The following PSMA1 variants were observed in gnomAD, a reference collection of about 807,000 sequenced individuals.
PSMA1 encodes the protein proteasome subunit alpha type-1.
Under a neutral mutation model 38.4 loss-of-function variants are expected in PSMA1, and 3 were observed. The ratio of observed to expected loss-of-function variants is 0.08; its 90% CI spans 0.04 to 0.20. PSMA1 has a LOEUF of 0.20. PSMA1 is among the 10% of genes least tolerant of loss of function. The pLI, the probability that PSMA1 is intolerant of heterozygous loss-of-function variation, is 1.00. For missense variants in PSMA1, 227 were observed against 325.3 expected (o/e 0.70, Z 2.32); for synonymous variants, 101 against 107.1 (o/e 0.94, Z 0.35).
chr11:14,559,844 G>T (rs535204980), intron 2 of PSMA1, among the ~76,000 whole-genome samples: 188 of 152,314 alleles, frequency 1.2e-3, no homozygotes, highest in South Asian at 6.2e-3. Context: ...GATATTTGCA[G>T]GCAGGGAGTT....
intron 1 of PSMA1, among the ~76,000 whole-genome samples, chr11:14,626,933 A>C (rs1852919194): frequency 6.6e-6 from 1 of 152,176 alleles, no homozygotes; most frequent in African/African-American, 2.4e-5. Flanking sequence ...ATTTGATCAC[A>C]GTTCTGGAGG....
intron 1 of PSMA1, among the ~76,000 whole-genome samples, chr11:14,634,771 T>G (rs913716653): frequency 2.0e-5 from 3 of 152,240 alleles, no homozygotes; most frequent in Non-Finnish European, 4.4e-5. Context: ...GAAGCTAATA[T>G]ATCCCTTCAT....
At chr11:14,608,090 G>T (rs1167857274) in intron 2 of PSMA1, among the ~76,000 whole-genome samples, 1 of 152,180 alleles carries the variant, frequency 6.6e-6, no homozygotes, top group South Asian at 2.1e-4. Flanking sequence ...AGTGGCTCAT[G>T]CCTGTAATCC....
intron 2 of PSMA1, among the ~76,000 whole-genome samples, chr11:14,567,313 A>G (rs142565425): frequency 5.3e-5 from 8 of 152,304 alleles, no homozygotes; most frequent in Admixed American, 1.3e-4. Flanking sequence ...TTTTTGGTCT[A>G]TGCTCCCAGG....
chr11:14,580,872 G>A (rs1852273729), intron 2 of PSMA1, among the ~76,000 whole-genome samples: 1 of 152,152 alleles, frequency 6.6e-6, no homozygotes, highest in South Asian at 2.1e-4. Context: ...GGAGCCCTCA[G>A]TTCATTCTCC....
chr11:14,599,150 T>C, intron 2 of PSMA1, among the ~76,000 whole-genome samples: 1 of 152,220 alleles, frequency 6.6e-6, no homozygotes, highest in Non-Finnish European at 1.5e-5. Flanking sequence ...ACCCAACCTT[T>C]CTCTCTGGCT....
chr11:14,551,463 A>G (rs1220672525), intron 2 of PSMA1, among the ~76,000 whole-genome samples: 1 of 152,166 alleles, frequency 6.6e-6, no homozygotes, highest in Non-Finnish European at 1.5e-5. Flanking sequence ...GAGGCATAGA[A>G]AAAAGACGGC....
intron 1 of PSMA1, among the ~76,000 whole-genome samples, chr11:14,635,620 C>T (rs1041647227): frequency 6.6e-6 from 1 of 151,988 alleles, no homozygotes; most frequent in Non-Finnish European, 1.5e-5. Context: ...ATTTCTGGAG[C>T]TGGTAAAAAT....
intron 1 of PSMA1, among the ~76,000 whole-genome samples, chr11:14,622,879 C>T (rs1330632292): frequency 2.0e-5 from 3 of 152,130 alleles, no homozygotes; most frequent in Admixed American, 6.5e-5. Context: ...AGAATAACAA[C>T]ATAGGGCCCT....
intron 2 of PSMA1, among the ~76,000 whole-genome samples, chr11:14,577,929 C>T (rs1367249692): frequency 1.3e-5 from 2 of 152,166 alleles, no homozygotes; most frequent in Non-Finnish European, 2.9e-5. Flanking sequence ...TTGAAAGAGC[C>T]TCTAACATGA....
chr11:14,514,334 C>A, intron 5 of PSMA1, 69 bp downstream of exon 5: 1 of 1,485,884 alleles, frequency 6.7e-7, no homozygotes, highest in Non-Finnish European at 9.0e-7. Flanking sequence ...TATTATATTC[C>A]TAATAATTAA....
intron 1 of PSMA1, among the ~76,000 whole-genome samples, chr11:14,634,489 G>A (rs533133244): frequency 5.3e-5 from 8 of 151,588 alleles, no homozygotes; most frequent in South Asian, 4.2e-4. Context: ...TTAATTCTTC[G>A]TAAAATTTAG....
intron 1 of PSMA1, chr11:14,519,849 C>G (rs1851497393): frequency 5.9e-6 from 1 of 170,388 alleles, no homozygotes; most frequent in Admixed American, 6.1e-5. Flanking sequence ...GAAGTCTAGG[C>G]GAGAGATAAA....
At chr11:14,632,118 C>A (rs1203316223) in intron 1 of PSMA1, among the ~76,000 whole-genome samples, 1 of 142,314 alleles carries the variant, frequency 7.0e-6, no homozygotes, top group East Asian at 2.0e-4. Context: ...GACTCTTTAT[C>A]CAATTTGCCA....
intron 1 of PSMA1, among the ~76,000 whole-genome samples, chr11:14,625,572 G>C (rs958766344): frequency 6.6e-6 from 1 of 152,192 alleles, no homozygotes; most frequent in African/African-American, 2.4e-5. Flanking sequence ...GCTTCTCCTA[G>C]TCAGTAACAG....
intron 9 of PSMA1, 136 bp from the exon 10 acceptor site, chr11:14,505,384 CT>C: frequency 1.3e-6 from 1 of 745,692 alleles, no homozygotes; most frequent in African/African-American, 1.7e-5. Context: ...TTTTAGTTCA[CT>C]GTCCTGTTAA....
At chr11:14,591,082 C>T (rs981838370) in intron 2 of PSMA1, among the ~76,000 whole-genome samples, 1 of 152,210 alleles carries the variant, frequency 6.6e-6, no homozygotes, top group Non-Finnish European at 1.5e-5. Context: ...GAGCGGGAAC[C>T]GGGGCTGCGT....
chr11:14,519,679 T>C (rs151157305), intron 1 of PSMA1, among the ~76,000 whole-genome samples: 106 of 152,248 alleles, frequency 7.0e-4, no homozygotes, highest in African/African-American at 2.4e-3. Flanking sequence ...ATTATAATAA[T>C]AGTCATGGGA....
chr11:14,627,357 A>C (rs1468678144), intron 1 of PSMA1, among the ~76,000 whole-genome samples: 1 of 152,180 alleles, frequency 6.6e-6, no homozygotes, highest in Non-Finnish European at 1.5e-5. Context: ...TGCTTGGTAG[A>C]AATGCAGATT....
Sources: gnomAD v4.1 joint callset for allele counts (sites outside exome capture counted in the v4.1 genomes callset) on GRCh38, gnomAD v4.1.1 for gene constraint, MANE v1.5 for transcripts, NCBI Gene and HGNC (gene_info 2026-07-23, HGNC 2026-07-21) for gene names.